Variants in TMCC1 observed in about 807,000 individuals in gnomAD.
TMCC1 encodes the protein transmembrane and coiled-coil domain family 1.
A neutral mutation model predicts 52.4 loss-of-function variants in TMCC1; 15 were observed. The ratio of observed to expected loss-of-function variants is 0.29; its 90% CI spans 0.19 to 0.44. TMCC1 has a LOEUF of 0.44. Ranked by LOEUF, TMCC1 falls within the 20% of genes least tolerant of loss-of-function variation. The pLI is 1.00. For synonymous variants in TMCC1, 279 were observed against 301.9 expected (o/e 0.92, Z 0.79); for missense variants, 503 against 806.0 (o/e 0.62, Z 4.55).
intron 4 of TMCC1, 120 bp downstream of exon 4, chr3:129,827,683 C>A: frequency 1.6e-6 from 2 of 1,242,128 alleles, no homozygotes; most frequent in South Asian, 1.6e-5. Context: ...GGGAAAAATT[C>A]TTTTACCACA....
intron 4 of TMCC1, among the ~76,000 whole-genome samples, chr3:129,709,185 C>A (rs1435328440): frequency 2.0e-5 from 3 of 151,842 alleles, no homozygotes; most frequent in African/African-American, 7.3e-5. Context: ...TTAGATTGTC[C>A]GGTGTAGTGG....
At chr3:129,679,463 G>A (rs1307326484) in intron 4 of TMCC1, among the ~76,000 whole-genome samples, 1 of 151,998 alleles carries the variant, frequency 6.6e-6, no homozygotes, top group Non-Finnish European at 1.5e-5. Context: ...GCACCACCAC[G>A]CCTGGCTAAT....
At chr3:129,759,579 T>C (rs904090944) in intron 4 of TMCC1, among the ~76,000 whole-genome samples, 2 of 125,140 alleles carry the variant, frequency 1.6e-5, no homozygotes, top group Admixed American at 8.3e-5. Flanking sequence ...ATGACCATTT[T>C]TGAGAGTTTT....
chr3:129,683,483 A>T (rs539622248), intron 4 of TMCC1, among the ~76,000 whole-genome samples: 60 of 152,150 alleles, frequency 3.9e-4, no homozygotes, highest in Non-Finnish European at 7.6e-4. Flanking sequence ...TGTATAGTAC[A>T]CCCATGTCTG....
chr3:129,850,015 T>C (rs774421243), intron 2 of TMCC1, among the ~76,000 whole-genome samples: 1 of 152,166 alleles, frequency 6.6e-6, no homozygotes, highest in African/African-American at 2.4e-5. Flanking sequence ...TAGGTATCAT[T>C]TGAAAACTGT....
At chr3:129,780,525 C>G (rs1014400099) in intron 4 of TMCC1, among the ~76,000 whole-genome samples, 1 of 151,986 alleles carries the variant, frequency 6.6e-6, no homozygotes, top group Non-Finnish European at 1.5e-5. Context: ...TCTCTACTTC[C>G]AAATACAAAA....
At chr3:129,724,815 C>A (rs1274869132) in intron 4 of TMCC1, among the ~76,000 whole-genome samples, 1 of 152,000 alleles carries the variant, frequency 6.6e-6, no homozygotes, top group Non-Finnish European at 1.5e-5. Context: ...AGTTTTATAA[C>A]AAGTAAAATT....
At chr3:129,860,631 G>A (rs1482598834) in intron 2 of TMCC1, among the ~76,000 whole-genome samples, 1 of 148,142 alleles carries the variant, frequency 6.8e-6, no homozygotes, top group Non-Finnish European at 1.5e-5. Flanking sequence ...ATGGAGTCTC[G>A]CCCTGTCACC....
At chr3:129,859,296 A>T (rs188424957) in intron 2 of TMCC1, among the ~76,000 whole-genome samples, 50 of 152,302 alleles carry the variant, frequency 3.3e-4, no homozygotes, top group Non-Finnish European at 1.5e-5. Flanking sequence ...GTCACTATGA[A>T]GCAAATATAG....
chr3:129,791,399 A>G (rs12632334), intron 4 of TMCC1, among the ~76,000 whole-genome samples: 150,083 of 152,236 alleles, frequency 0.99, 74,016 homozygotes, highest in East Asian at 1. Flanking sequence ...GGCCAGACAC[A>G]CCAGAAATTT....
At chr3:129,709,378 A>C (rs2048476829) in intron 4 of TMCC1, among the ~76,000 whole-genome samples, 2 of 140,472 alleles carry the variant, frequency 1.4e-5, no homozygotes, top group Admixed American at 1.5e-4. Flanking sequence ...TGGGAGGCTG[A>C]GGTGGGAGGA....
chr3:129,828,536 A>C lies in TMCC1; in HGVS notation c.-130-28T>G, dbSNP rs1447254331. On this transcript the variant is annotated intron_variant, in intron 3 of 6. Transcript: ENST00000393238. The surrounding 1 kb of genome is among the most constrained non-coding windows in gnomAD (Gnocchi z 4.1). ...AATGTTAAAAACAAAAAAACAAAAAAACAAAAAAAAAACCTTATATTATAA... is the reference window on the plus strand; with the variant it reads ...AATGTTAAAAACAAAAAAACAAAAACACAAAAAAAAAACCTTATATTATAA... The C allele has an allele frequency of 6.1e-6, 4 of 654,958 alleles. No homozygotes were observed. The highest frequency in any genetic ancestry group is 1.8e-5 in the African/African-American group (1 of 54,828). The allele number at this position is 654,958 out of a possible 1,614,324, so 40.6% of individuals were successfully genotyped here. A position where few individuals can be genotyped will look rare whatever the true frequency, so the allele number is the denominator to read the frequency against.
At chr3:129,803,686 G>A (rs1349886714) in intron 4 of TMCC1, among the ~76,000 whole-genome samples, 1 of 152,084 alleles carries the variant, frequency 6.6e-6, no homozygotes, top group Non-Finnish European at 1.5e-5. Flanking sequence ...AGGCTTTAAA[G>A]ACCCAGAGCA....
intron 2 of TMCC1, among the ~76,000 whole-genome samples, chr3:129,834,287 G>GTGGA (rs1167861852): frequency 1.3e-5 from 2 of 152,180 alleles, no homozygotes; most frequent in African/African-American, 4.8e-5. Flanking sequence ...GACCATACTG[G>GTGGA]TGGATACACA....
intron 4 of TMCC1, among the ~76,000 whole-genome samples, chr3:129,820,629 T>C (rs926480728): frequency 2.0e-5 from 3 of 151,820 alleles, no homozygotes; most frequent in Non-Finnish European, 2.9e-5. Flanking sequence ...GAGCTATAAA[T>C]GAAAACGACT....
rs1355331962 is a variant in TMCC1, at chr3:129,648,396, CAG to C, written c.*3083_*3084del. The C allele has an allele frequency of 1.3e-5, 2 of 152,172 alleles. No individual in the cohort carries two copies. The highest frequency in any genetic ancestry group is 2.9e-5 in the Non-Finnish European group (2 of 68,036). 9.4% of individuals were successfully genotyped at this position (152,172 alleles called of 1,614,324 possible). ...CATCAGACTTTTACTCCATTCAGAA[CAG>C]GGGAGAGAGAAGACCCTAGTCAGTG... On this transcript the variant is annotated 3_prime_UTR_variant, in exon 7 of 7. Transcript: ENST00000393238.
intron 4 of TMCC1, among the ~76,000 whole-genome samples, chr3:129,738,292 AG>A (rs2051157019): frequency 7.0e-6 from 1 of 143,638 alleles, no homozygotes; most frequent in Non-Finnish European, 1.5e-5. Context: ...AAAAAAAAAG[AG>A]AAGAAGAAAA....
At chr3:129,744,408 G>T (rs549606978) in intron 4 of TMCC1, among the ~76,000 whole-genome samples, 2 of 151,318 alleles carry the variant, frequency 1.3e-5, no homozygotes, top group Non-Finnish European at 2.9e-5. Flanking sequence ...CTAACTCAGC[G>T]TCCGAAAGCA....
chr3:129,710,896 G>A (rs991177896), intron 4 of TMCC1, among the ~76,000 whole-genome samples: 7 of 152,006 alleles, frequency 4.6e-5, no homozygotes, highest in African/African-American at 7.2e-5. Flanking sequence ...ATGGAGTCTC[G>A]CTCTGTTGCC....
Sources: gnomAD v4.1 joint callset for allele counts (sites outside exome capture counted in the v4.1 genomes callset) on GRCh38, gnomAD v4.1.1 for gene constraint, Gnocchi (gnomAD v3.1) non-coding constraint, MANE v1.5 for transcripts, NCBI Gene and HGNC (gene_info 2026-07-23, HGNC 2026-07-21) for gene names.